Variants in VPS8 observed in about 807,000 individuals in gnomAD.
VPS8 encodes vacuolar protein sorting-associated protein 8 homolog.
In VPS8, 129 loss-of-function variants were observed where a neutral mutation model predicts 216.4. The ratio of observed to expected loss-of-function variants is 0.60; its 90% CI spans 0.52 to 0.69. The LOEUF (loss-of-function observed/expected upper bound fraction) is 0.69, where lower values mean the gene tolerates loss of function less well. VPS8 is among the 30% of genes least tolerant of loss of function. VPS8 has a pLI of 0.00. For missense variants in VPS8, 1,531 were observed against 1,683.5 expected, an observed-to-expected ratio of 0.91 and a Z score of 1.59; for synonymous variants, 571 against 565.4, an observed-to-expected ratio of 1.01 and a Z score of -0.14.
intron 30 of VPS8, among the ~76,000 whole-genome samples, chr3:184,925,565 C>T (rs1413569778): frequency 1.3e-5 from 2 of 151,996 alleles, no homozygotes; most frequent in Non-Finnish European, 2.9e-5. Context: ...AAACTGAAGC[C>T]TGGAGAGATT....
At chr3:184,832,098 A>G (rs1250338186) in intron 3 of VPS8, among the ~76,000 whole-genome samples, 1 of 152,178 alleles carries the variant, frequency 6.6e-6, no homozygotes, top group Non-Finnish European at 1.5e-5. Flanking sequence ...AATGGCATAT[A>G]AGGCTTTTCA....
intron 36 of VPS8, among the ~76,000 whole-genome samples, chr3:184,945,795 T>C (rs1184053409): frequency 3.9e-5 from 6 of 152,274 alleles, no homozygotes; most frequent in Middle Eastern, 3.4e-3. Context: ...GGAGGTCTGG[T>C]GTAATAACTT....
Position 184,971,766 on chromosome 3 carries a change from T to A in VPS8, c.3420+14T>A, listed in dbSNP as rs9831190. ...CAGCAACGTGAGGTAGGAGAATGAC[T>A]GTTTAGGTATTTAAAAGCCTGTACT... On this transcript the variant is annotated intron_variant, in intron 40 of 47. Transcript: ENST00000625842. The A allele has an allele frequency of 0.023, 36,700 of 1,606,948 alleles. 478 individuals are homozygous for A. Among genetic ancestry groups the A allele is most frequent in the Non-Finnish European group, 0.027 (31,941 of 1,175,208 alleles).
chr3:184,851,966 G>A (rs1295067205), intron 10 of VPS8, among the ~76,000 whole-genome samples: 3 of 152,226 alleles, frequency 2.0e-5, no homozygotes, highest in East Asian at 3.8e-4. Flanking sequence ...AGTATATGCT[G>A]TGGAAGAAGA....
intron 35 of VPS8, among the ~76,000 whole-genome samples, chr3:184,939,138 A>C (rs916921686): frequency 1.3e-5 from 2 of 152,212 alleles, no homozygotes; most frequent in Middle Eastern, 6.8e-3. Context: ...AGAATCCCAC[A>C]TAGATCTTAC....
At position 184,962,724 on chromosome 3, in the gene VPS8, A is replaced by AGTGTGTGTGTGT. The variant is rs10562348; in HGVS notation, c.3184-1713_3184-1702dup. 7.3e-4 allele frequency among the ~76,000 whole-genome samples: 106 copies of AGTGTGTGTGTGT among 145,904 alleles called. 1 individual carries two copies. The highest frequency in any genetic ancestry group is 2.6e-3 in the African/African-American group (102 of 38,844). On this transcript the variant is annotated intron_variant, in intron 37 of 47. Transcript: ENST00000625842. ...TTAGTTTACCATTCTTTAAGGCTTA[A>AGTGTGTGTGTGT]GTGTGTGTGTGTGTGTGTGTGTGTG...
chr3:184,817,038 C>T (rs1482897292), intron 1 of VPS8, among the ~76,000 whole-genome samples: 18 of 151,976 alleles, frequency 1.2e-4, no homozygotes, highest in South Asian at 2.1e-4. Flanking sequence ...GCTGAATTAA[C>T]GTAAAAGAAC....
chr3:184,819,251 G>A (rs1044762670), intron 1 of VPS8, among the ~76,000 whole-genome samples: 1 of 152,140 alleles, frequency 6.6e-6, no homozygotes, highest in East Asian at 1.9e-4. Context: ...AGAAGAGACA[G>A]CATACTGGGT....
At chr3:184,835,802 C>T (rs903236219) in intron 5 of VPS8, among the ~76,000 whole-genome samples, 11 of 151,748 alleles carry the variant, frequency 7.2e-5, no homozygotes, top group Admixed American at 1.3e-4. Flanking sequence ...CTCCACCTCC[C>T]GGATTCATGT....
intron 42 of VPS8, among the ~76,000 whole-genome samples, chr3:184,992,803 G>A (rs1438673360): frequency 2.6e-5 from 4 of 152,146 alleles, no homozygotes; most frequent in Admixed American, 6.5e-5. Flanking sequence ...GGTCAGTGAA[G>A]TGAGCACATA....
At chr3:185,041,455 T>C (rs1711603390) in intron 46 of VPS8, among the ~76,000 whole-genome samples, 1 of 152,142 alleles carries the variant, frequency 6.6e-6, no homozygotes, top group Admixed American at 6.5e-5. Flanking sequence ...CTATGCCCTC[T>C]ATGGAAGGGA....
chr3:184,967,721 C>T lies in VPS8; in HGVS notation c.3316+1008C>T, dbSNP rs1455399908. On this transcript the variant is annotated intron_variant, in intron 39 of 47. Transcript: ENST00000625842. Reference sequence around the variant, plus strand: ...GTGTGGTGGCACACACCTGTAGTCCCAGCTACTTGGGAGGCTGAGGCAGGA... The same window carrying T: ...GTGTGGTGGCACACACCTGTAGTCCTAGCTACTTGGGAGGCTGAGGCAGGA... Among the ~76,000 whole-genome samples the T allele has an allele frequency of 7.2e-5, 11 of 151,960 alleles. No individual in the cohort carries two copies. The East Asian group carries it at 2.1e-3, about 29-fold the overall frequency.
chr3:184,882,917 C>T (rs1730523236), intron 21 of VPS8, among the ~76,000 whole-genome samples: 1 of 152,068 alleles, frequency 6.6e-6, no homozygotes, highest in African/African-American at 2.4e-5. Flanking sequence ...CTGCTTCATT[C>T]CTGATGTTTT....
At chr3:184,942,749 T>C (rs1742965487) in intron 36 of VPS8, among the ~76,000 whole-genome samples, 1 of 152,212 alleles carries the variant, frequency 6.6e-6, no homozygotes, top group South Asian at 2.1e-4. Context: ...CTAAACTTAT[T>C]TTTGAATTTA....
intron 36 of VPS8, among the ~76,000 whole-genome samples, chr3:184,950,853 T>C (rs1052340010): frequency 7.9e-5 from 12 of 152,218 alleles, no homozygotes; most frequent in Non-Finnish European, 1.3e-4. Flanking sequence ...TTGTTAAGCA[T>C]GATGGCTTCC....
At chr3:184,850,884 T>C (rs1426556004) in intron 10 of VPS8, among the ~76,000 whole-genome samples, 1 of 152,238 alleles carries the variant, frequency 6.6e-6, no homozygotes, top group Admixed American at 6.5e-5. Context: ...TTGAAGCATT[T>C]AGTAACAATA....
In VPS8 at chr3:184,862,963, A is replaced by T; in HGVS notation, c.1291A>T (p.Thr431Ser). 5 of 1,613,994 alleles carry T rather than the reference A, an allele frequency of 3.1e-6. No homozygotes were observed. Among genetic ancestry groups the T allele is most frequent in the Non-Finnish European group, 4.2e-6 (5 of 1,179,844 alleles). Reference sequence around the variant, plus strand: ...GAAGTTGCATGTGATTGATCGGCAAACACAAGAGGAATTGGAGACAGTGGA... The same window carrying T: ...GAAGTTGCATGTGATTGATCGGCAATCACAAGAGGAATTGGAGACAGTGGA... ...VEKLHVIDRQ[T>S]QEELETVEIS... Residue 431 changes from threonine (T) to serine (S), a missense_variant, in exon 16 of 48, where the codon ACA becomes TCA. Coordinates refer to ENST00000625842, the MANE Select transcript of VPS8 (RefSeq NM_001009921.3).
intron 5 of VPS8, among the ~76,000 whole-genome samples, chr3:184,837,935 A>G (rs1721429817): frequency 6.6e-6 from 1 of 152,236 alleles, no homozygotes; most frequent in Admixed American, 6.5e-5. Context: ...TAGGTCTGAG[A>G]ATCAAGTAGT....
At chr3:184,923,350 C>T (rs530979659) in intron 29 of VPS8, among the ~76,000 whole-genome samples, 1 of 152,142 alleles carries the variant, frequency 6.6e-6, no homozygotes, top group South Asian at 2.1e-4. Context: ...TTTCATTGTT[C>T]CTTTAACCAC....
Sources: allele counts gnomAD v4.1 joint callset (sites outside exome capture counted in the v4.1 genomes callset), GRCh38; gene constraint gnomAD v4.1.1; transcripts MANE v1.5; gene names NCBI Gene and HGNC (gene_info 2026-07-23, HGNC 2026-07-21).